Variants in CEP83 observed in about 807,000 individuals in gnomAD.
The protein encoded by CEP83 is centrosomal protein of 83 kDa.
Under a neutral mutation model 101.9 loss-of-function variants are expected in CEP83, and 70 were observed. The ratio of observed to expected loss-of-function variants is 0.69; its 90% confidence interval spans 0.57 to 0.84. The LOEUF (loss-of-function observed/expected upper bound fraction) is 0.84. Among genes scored for constraint, CEP83 ranks in the 40% least tolerant of loss-of-function variants. The probability of loss-of-function intolerance (pLI) is 0.00; values close to 1 mark genes in which losing one functional copy is unlikely to be tolerated. For synonymous variants in CEP83, 264 were observed against 267.9 expected (o/e 0.99, Z 0.14); for missense variants, 715 against 787.2 (o/e 0.91, Z 1.10).
intron 1 of CEP83, among the ~76,000 whole-genome samples, chr12:94,452,152 A>C (rs921892683): frequency 2.0e-5 from 3 of 152,190 alleles, no homozygotes; most frequent in African/African-American, 7.2e-5. Context: ...TTATAGTGAT[A>C]GAAAGTAGAT....
chr12:94,284,454 T>C, the CEP83 span, among the ~76,000 whole-genome samples: 1 of 152,206 alleles, frequency 6.6e-6, no homozygotes, highest in African/African-American at 2.4e-5. Context: ...CACATCTGCT[T>C]CACCGTCTTA....
At chr12:94,270,602 C>G in the CEP83 span, among the ~76,000 whole-genome samples, 13 of 151,556 alleles carry the variant, frequency 8.6e-5, no homozygotes, top group African/African-American at 3.2e-4. Flanking sequence ...CCACCCCCAA[C>G]CCTGCACCCG....
chr12:94,428,971 T>G (rs1324326527), intron 2 of CEP83, among the ~76,000 whole-genome samples: 1 of 152,208 alleles, frequency 6.6e-6, no homozygotes, highest in Non-Finnish European at 1.5e-5. Flanking sequence ...TCAAGGAGTT[T>G]ATGATGGTCA....
chr12:94,308,700 C>T lies in CEP83; in HGVS notation c.*113G>A, dbSNP rs1969349934. 1 of 682,788 alleles carries T rather than the reference C, an allele frequency of 1.5e-6. No homozygotes were observed. Among genetic ancestry groups the T allele is most frequent in the Non-Finnish European group, 2.6e-6 (1 of 381,084 alleles). 42.3% of individuals were successfully genotyped at this position (682,788 alleles called of 1,614,324 possible). On this transcript the variant is annotated 3_prime_UTR_variant, in exon 17 of 17. Coordinates refer to ENST00000397809, the MANE Select transcript of CEP83 (RefSeq NM_016122.3). ...GTAGTAGGTACCTTTTCTTGAGGCACATTCAAGTGTTTTGGCAAACAGTAA... is the reference window on the plus strand; with the variant it reads ...GTAGTAGGTACCTTTTCTTGAGGCATATTCAAGTGTTTTGGCAAACAGTAA...
intron 2 of CEP83, among the ~76,000 whole-genome samples, chr12:94,420,043 C>T (rs1005106061): frequency 6.6e-6 from 1 of 152,150 alleles, no homozygotes; most frequent in African/African-American, 2.4e-5. Flanking sequence ...TATCCATTTG[C>T]ATCTTTTGCC....
chr12:94,442,406 G>C (rs905931858), intron 1 of CEP83, among the ~76,000 whole-genome samples: 1 of 152,076 alleles, frequency 6.6e-6, no homozygotes, highest in African/African-American at 2.4e-5. Flanking sequence ...ACTACACACC[G>C]GGTGCAGTGT....
At chr12:94,369,733 T>C (rs2061205174) in intron 9 of CEP83, 189 bp downstream of exon 9, 1 of 421,260 alleles carries the variant, frequency 2.4e-6, no homozygotes, top group East Asian at 3.9e-5. Context: ...ACTGATTTTT[T>C]TAAAGTTATT....
intron 4 of CEP83, among the ~76,000 whole-genome samples, chr12:94,404,582 G>A (rs1478380445): frequency 6.6e-6 from 1 of 152,124 alleles, no homozygotes; most frequent in Non-Finnish European, 1.5e-5. Flanking sequence ...TTGGAGGGCT[G>A]CACTCTGGCT....
intron 11 of CEP83, among the ~76,000 whole-genome samples, chr12:94,347,160 T>C (rs992400821): frequency 1.2e-4 from 18 of 151,592 alleles, no homozygotes; most frequent in Non-Finnish European, 2.5e-4. Flanking sequence ...AGAAAATATC[T>C]GTAAAATATG....
intron 6 of CEP83, among the ~76,000 whole-genome samples, chr12:94,381,972 C>T (rs966526090): frequency 6.6e-6 from 1 of 151,974 alleles, no homozygotes; most frequent in African/African-American, 2.4e-5. Flanking sequence ...CTTTAAACAC[C>T]TGGTAAAATT....
At chr12:94,284,331 C>T in the CEP83 span, among the ~76,000 whole-genome samples, 1 of 152,116 alleles carries the variant, frequency 6.6e-6, no homozygotes, top group Non-Finnish European at 1.5e-5. Flanking sequence ...TTGTTTTAAA[C>T]TGTAAGTTCC....
At chr12:94,434,486 C>T (rs1443451817) in intron 2 of CEP83, among the ~76,000 whole-genome samples, 1 of 152,140 alleles carries the variant, frequency 6.6e-6, no homozygotes, top group African/African-American at 2.4e-5. Flanking sequence ...AATAGGAAAG[C>T]TCAAAACCAT....
At chr12:94,305,256 G>A, downstream of CEP83, 7 of 1,610,404 alleles carry the variant, frequency 4.3e-6, no homozygotes, top group Non-Finnish European at 5.9e-6. Context: ...AGTCTTATTT[G>A]ATGAAAAGAA....
chr12:94,286,434 C>T, the CEP83 span, among the ~76,000 whole-genome samples: 27 of 151,976 alleles, frequency 1.8e-4, no homozygotes, highest in Non-Finnish European at 3.1e-4. Context: ...GCAGCGCCTC[C>T]GCAGACTCAA....
chr12:94,417,289 C>CT (rs144713447), intron 2 of CEP83, among the ~76,000 whole-genome samples: 2,725 of 151,946 alleles, frequency 0.018, 68 homozygotes, highest in African/African-American at 0.062. Flanking sequence ...ACACTCTAGC[C>CT]CAGGCAACAA....
chr12:94,442,656 T>C (rs754556344), intron 1 of CEP83, among the ~76,000 whole-genome samples: 7 of 152,228 alleles, frequency 4.6e-5, no homozygotes, highest in Non-Finnish European at 8.8e-5. Context: ...TCTTTTGTTA[T>C]AGGGGTCTCA....
intron 6 of CEP83, among the ~76,000 whole-genome samples, chr12:94,389,593 T>C (rs1328431135): frequency 3.3e-5 from 5 of 152,146 alleles, no homozygotes; most frequent in Admixed American, 3.3e-4. Flanking sequence ...CCAACTGAGG[T>C]ACCTGGTTCA....
intron 13 of CEP83, among the ~76,000 whole-genome samples, chr12:94,332,491 T>C (rs935512958): frequency 2.6e-5 from 4 of 152,210 alleles, no homozygotes; most frequent in Non-Finnish European, 5.9e-5. Flanking sequence ...TCACATTCCA[T>C]TGACCCTTAG....
chr12:94,278,146 C>A, the CEP83 span: 3 of 390,400 alleles, frequency 7.7e-6, no homozygotes, highest in Admixed American at 6.5e-5. Context: ...TCCTTAAAAC[C>A]AAAAAAAACA....
Sources: allele counts gnomAD v4.1 joint callset (sites outside exome capture counted in the v4.1 genomes callset), GRCh38; gene constraint gnomAD v4.1.1; transcripts MANE v1.5; gene names NCBI Gene and HGNC (gene_info 2026-07-23, HGNC 2026-07-21).